The following MBTPS1 variants were observed in gnomAD, a reference collection of about 807,000 sequenced individuals.
MBTPS1 encodes membrane bound transcription factor peptidase, site 1.
MBTPS1 carries 94 observed loss-of-function variants against 127.8 expected under a neutral mutation model. That is an observed-to-expected ratio of 0.74 (90% confidence interval 0.62 to 0.87). MBTPS1 has a LOEUF of 0.87. Ranked by LOEUF, MBTPS1 falls within the 40% of genes least tolerant of loss-of-function variation. The pLI is 0.00. For synonymous variants in MBTPS1, 632 were observed against 509.4 expected, an observed-to-expected ratio of 1.24 and a Z score of -3.24; for missense variants, 1,636 against 1,353.2, an observed-to-expected ratio of 1.21 and a Z score of -3.28.
At chr16:84,056,374 A>G in intron 21 of MBTPS1, 2 of 423,942 alleles carry the variant, frequency 4.7e-6, no homozygotes, top group Admixed American at 3.8e-5. Context: ...TGAGTTTACA[A>G]TATGACCAGC....
Position 84,069,905 on chromosome 16 carries a change from G to T in MBTPS1, c.1916C>A (p.Pro639His). 1 of 1,614,138 alleles carries T rather than the reference G, an allele frequency of 6.2e-7. No homozygotes were observed. The highest frequency in any genetic ancestry group is 8.5e-7 in the Non-Finnish European group (1 of 1,180,008). Residue 639 changes from proline to histidine, a missense_variant, in exon 14 of 23, where the codon CCC (proline) becomes CAC (histidine). Pro to His is a moderately conservative substitution (Grantham distance 77). Transcript: ENST00000343411. ...HNLRYPPGYFPRDNLRMKNDP... is the reference protein window; with the variant it reads ...HNLRYPPGYFHRDNLRMKNDP... Reference sequence around the variant, plus strand: ...ATTCTTCATCCTTAAATTATCCCTGGGGAAATAGCCAGGTGGATAGCGGAG... The same window carrying T: ...ATTCTTCATCCTTAAATTATCCCTGTGGAAATAGCCAGGTGGATAGCGGAG...
chr16:84,112,594 G>A (rs1348327953), intron 1 of MBTPS1, among the ~76,000 whole-genome samples: 1 of 151,090 alleles, frequency 6.6e-6, no homozygotes, highest in Non-Finnish European at 1.5e-5. Flanking sequence ...TCTGGGAGGC[G>A]GAGCTTCCAG....
intron 12 of MBTPS1, among the ~76,000 whole-genome samples, chr16:84,073,582 G>A (rs1227920655): frequency 2.0e-5 from 3 of 152,176 alleles, no homozygotes; most frequent in African/African-American, 7.2e-5. Flanking sequence ...AGTATGCTGA[G>A]GCTGGAAGCG....
rs1339857537 is a variant in MBTPS1 at position 84,067,593 on chromosome 16, T to C, written c.2228+74A>G. Reference sequence around the variant, plus strand: ...GAAAGACCACCAACAGGTCAAATCATCACTTAAGTATTTGCTGGGTAGAAT... The same window carrying C: ...GAAAGACCACCAACAGGTCAAATCACCACTTAAGTATTTGCTGGGTAGAAT... On this transcript the variant is annotated intron_variant, in intron 16 of 22. Coordinates refer to ENST00000343411, the MANE Select transcript of MBTPS1 (RefSeq NM_003791.4). 2.5e-6 allele frequency: 3 copies of C among 1,186,928 alleles called. No homozygotes were observed. The African/African-American group carries it at 4.5e-5, about 18-fold the overall frequency. The allele number at this position is 1,186,928 out of a possible 1,614,324, so 73.5% of individuals were successfully genotyped here.
intron 15 of MBTPS1, 95 bp downstream of exon 15, chr16:84,068,244 G>T: frequency 2.3e-6 from 2 of 866,920 alleles, no homozygotes; most frequent in Non-Finnish European, 3.8e-6. Context: ...TCCCTTGGTA[G>T]CTATCACTGA....
intron 9 of MBTPS1, among the ~76,000 whole-genome samples, chr16:84,086,794 T>G (rs1459920246): frequency 6.6e-6 from 1 of 152,186 alleles, no homozygotes; most frequent in Admixed American, 6.5e-5. Context: ...GAGCGTCTAA[T>G]TTTTCATCAA....
rs2085593227 is a variant in MBTPS1 at position 84,060,487 on chromosome 16, C to A, written c.2704+195G>T. The A allele has an allele frequency of 7.0e-6, 4 of 568,022 alleles. No individual in the cohort carries two copies. The Admixed American group carries it at 1.2e-4, about 18-fold the overall frequency. The allele number at this position is 568,022 out of a possible 1,614,324, so 35.2% of individuals were successfully genotyped here. A position where few individuals can be genotyped will look rare whatever the true frequency, so the allele number is the denominator to read the frequency against. Reference sequence around the variant, plus strand: ...CTGCACACTGGGTCCTCGATCATGGCCCTCTGGGGACTAAGGATGGCCTCT... The same window carrying A: ...CTGCACACTGGGTCCTCGATCATGGACCTCTGGGGACTAAGGATGGCCTCT... On this transcript the variant is annotated intron_variant, in intron 20 of 22. Coordinates refer to ENST00000343411, the MANE Select transcript of MBTPS1 (RefSeq NM_003791.4).
Position 84,054,378 on chromosome 16 carries a change from A to C in MBTPS1, c.*71T>G, listed in dbSNP as rs988345090. On this transcript the variant is annotated 3_prime_UTR_variant, in exon 23 of 23. Transcript: ENST00000343411. ...GATCCCTTTTAAACCAGCCGCCACC[A>C]CAGCTCGGCTCACCCACCAGCGCCG... is the stretch of plus-strand genomic sequence containing the variant. The C allele has an allele frequency of 2.9e-6, 4 of 1,398,042 alleles. No individual in the cohort carries two copies. The South Asian group carries it at 5.7e-5, about 20-fold the overall frequency. 86.6% of individuals were successfully genotyped at this position (1,398,042 alleles called of 1,614,324 possible).
intron 11 of MBTPS1, among the ~76,000 whole-genome samples, chr16:84,080,132 C>A (rs1018743436): frequency 6.6e-6 from 1 of 152,042 alleles, no homozygotes; most frequent in Non-Finnish European, 1.5e-5. Flanking sequence ...ACAGCCAACT[C>A]GGGGACAATT....
Position 84,069,926 on chromosome 16 carries a change from C to G in MBTPS1, c.1895G>C (p.Arg632Pro), listed in dbSNP as rs372754146. Reference sequence around the variant, plus strand: ...CCTGGGGAAATAGCCAGGTGGATAGCGGAGGTTGTGGTACTGATCCCAGAG... The same window carrying G: ...CCTGGGGAAATAGCCAGGTGGATAGGGGAGGTTGTGGTACTGATCCCAGAG... ...RVLWDQYHNLRYPPGYFPRDN... is the reference protein window; with the variant it reads ...RVLWDQYHNLPYPPGYFPRDN... Residue 632 changes from arginine (R) to proline (P), a missense_variant, in exon 14 of 23, where the codon CGC becomes CCC. By Grantham distance (103) the Arg-to-Pro change is moderately radical (BLOSUM62 -2). Coordinates refer to ENST00000343411, the MANE Select transcript of MBTPS1 (RefSeq NM_003791.4). 1 of 1,614,004 alleles carries G rather than the reference C, an allele frequency of 6.2e-7. No individual in the cohort carries two copies. Among genetic ancestry groups the G allele is most frequent in the East Asian group, 2.2e-5 (1 of 44,880 alleles).
intron 3 of MBTPS1, among the ~76,000 whole-genome samples, chr16:84,097,142 G>A (rs949586568): frequency 5.3e-5 from 8 of 152,124 alleles, no homozygotes; most frequent in Non-Finnish European, 8.8e-5. Flanking sequence ...CTACTGTCAC[G>A]CAGAAAACAG....
At chr16:84,101,542 C>T in intron 2 of MBTPS1, 79 bp downstream of exon 2, 5 of 1,195,360 alleles carry the variant, frequency 4.2e-6, no homozygotes, top group Non-Finnish European at 5.9e-6. Flanking sequence ...ACATGTTATT[C>T]AGCAATAGCT....
At chr16:84,096,034 A>C (rs959505053) in intron 3 of MBTPS1, among the ~76,000 whole-genome samples, 6 of 152,144 alleles carry the variant, frequency 3.9e-5, no homozygotes, top group African/African-American at 1.4e-4. Flanking sequence ...AAATTTTCTA[A>C]CCAAGGTAAG....
At chr16:84,102,967 G>A (rs2086277749) in intron 1 of MBTPS1, among the ~76,000 whole-genome samples, 1 of 152,176 alleles carries the variant, frequency 6.6e-6, no homozygotes, top group Non-Finnish European at 1.5e-5. Flanking sequence ...TTACTGGAGT[G>A]ACATGAGAAG....
chr16:84,075,707 T>C (rs995962057), intron 11 of MBTPS1: 2 of 152,254 alleles, frequency 1.3e-5, no homozygotes, highest in Admixed American at 1.3e-4. Flanking sequence ...AAGATGTATC[T>C]GGGCCAACTG....
At chr16:84,069,455 A>G (rs1256182902) in intron 14 of MBTPS1, among the ~76,000 whole-genome samples, 1 of 152,132 alleles carries the variant, frequency 6.6e-6, no homozygotes, top group Non-Finnish European at 1.5e-5. Flanking sequence ...CCAGAAGAGG[A>G]GTGGAATTTA....
chr16:84,085,164 T>A, intron 9 of MBTPS1, 30 bp from the exon 10 acceptor site: 3 of 1,611,006 alleles, frequency 1.9e-6, no homozygotes, highest in Non-Finnish European at 2.5e-6. Context: ...GGTTGCTACA[T>A]CTCGCACATT....
In MBTPS1 at chr16:84,069,907, G is replaced by A. The variant is rs778817930; in HGVS notation, c.1914C>T (p.Phe638=). ...TCTTCATCCTTAAATTATCCCTGGGGAAATAGCCAGGTGGATAGCGGAGGT... is the reference window on the plus strand; with the variant it reads ...TCTTCATCCTTAAATTATCCCTGGGAAAATAGCCAGGTGGATAGCGGAGGT... ...YHNLRYPPGY[F]PRDNLRMKND... The change falls in exon 14 of 23, where the codon TTC becomes TTT. Residue 638 remains phenylalanine (F), a synonymous_variant. Transcript: ENST00000343411. 6.2e-7 allele frequency: 1 copy of A among 1,614,154 alleles called. No homozygotes were observed. The highest frequency in any genetic ancestry group is 1.1e-5 in the South Asian group (1 of 91,070).
At chr16:84,089,003 C>T (rs890823014) in intron 8 of MBTPS1, among the ~76,000 whole-genome samples, 30 of 152,244 alleles carry the variant, frequency 2.0e-4, no homozygotes, top group Non-Finnish European at 2.8e-4. Flanking sequence ...TAAGAAGCTA[C>T]GGAGTGCAAC....
Sources: allele counts gnomAD v4.1 joint callset (sites outside exome capture counted in the v4.1 genomes callset), GRCh38; gene constraint gnomAD v4.1.1; transcripts MANE v1.5; gene names NCBI Gene and HGNC (gene_info 2026-07-23, HGNC 2026-07-21).